FRMD5: variants seen among roughly 807,000 people sequenced by gnomAD.
The protein encoded by FRMD5 is FERM domain containing 5.
A neutral mutation model predicts 69.0 loss-of-function variants in FRMD5; 20 were observed. The ratio of observed to expected loss-of-function variants is 0.29; its 90% CI spans 0.20 to 0.42. The LOEUF is 0.42. Among genes scored for constraint, FRMD5 ranks in the 10% least tolerant of loss-of-function variants. The pLI is 1.00. For synonymous variants in FRMD5, 271 were observed against 260.1 expected (o/e 1.04, Z -0.40); for missense variants, 595 against 708.6 (o/e 0.84, Z 1.82).
At chr15:44,001,470 G>C (rs1461877421) in intron 1 of FRMD5, among the ~76,000 whole-genome samples, 4 of 152,084 alleles carry the variant, frequency 2.6e-5, no homozygotes, top group Non-Finnish European at 4.4e-5. Context: ...ATTAAAAAAA[G>C]TATTGCCAAG....
At chr15:43,949,620 T>C (rs1235088765) in intron 1 of FRMD5, among the ~76,000 whole-genome samples, 4 of 152,240 alleles carry the variant, frequency 2.6e-5, no homozygotes, top group African/African-American at 9.6e-5. Flanking sequence ...TCATTCCTTG[T>C]ACGACACTAG....
chr15:43,926,430 A>T (rs941770197), intron 1 of FRMD5, among the ~76,000 whole-genome samples: 1 of 152,198 alleles, frequency 6.6e-6, no homozygotes, highest in Admixed American at 6.5e-5. Context: ...GTAAGATAAG[A>T]TCCAAAGATC....
chr15:43,874,026 C>T lies in FRMD5; in HGVS notation c.1572G>A (p.Glu524=). The T allele has an allele frequency of 6.2e-7, 1 of 1,614,188 alleles. No homozygotes were observed. Among genetic ancestry groups the T allele is most frequent in the East Asian group, 2.2e-5 (1 of 44,884 alleles). ...GGAAAAAGGCAATGTCAAGGTCAGACTCGGTAAGGATGATCAGGAGGAGGA... is the reference window on the plus strand; with the variant it reads ...GGAAAAAGGCAATGTCAAGGTCAGATTCGGTAAGGATGATCAGGAGGAGGA... ...VLLLLLIILT[E]SDLDIAFFRD... The change falls in exon 14 of 14, where the codon GAG becomes GAA. Residue 524 remains glutamate, a synonymous_variant. Coordinates refer to ENST00000417257, the MANE Select transcript of FRMD5 (RefSeq NM_032892.5).
chr15:44,092,818 T>TA (rs1424186442), intron 1 of FRMD5, among the ~76,000 whole-genome samples: 2 of 152,140 alleles, frequency 1.3e-5, no homozygotes, highest in African/African-American at 4.8e-5. Flanking sequence ...ATGTCCTTCA[T>TA]AAAGTCTTTC....
intron 1 of FRMD5, among the ~76,000 whole-genome samples, chr15:43,926,345 T>C (rs2140454842): frequency 6.6e-6 from 1 of 152,264 alleles, no homozygotes; most frequent in African/African-American, 2.4e-5. Flanking sequence ...ATGTCTAATT[T>C]TGCATACAAA....
chr15:43,885,702 T>C lies in FRMD5; in HGVS notation c.938A>G (p.Lys313Arg), dbSNP rs758670067. The C allele has an allele frequency of 6.2e-7, 1 of 1,614,126 alleles. No individual in the cohort carries two copies. Among genetic ancestry groups the C allele is most frequent in the Non-Finnish European group, 8.5e-7 (1 of 1,179,986 alleles). Residue 313 changes from lysine to arginine, a missense_variant, in exon 11 of 14, where the codon AAA becomes AGA. Lys to Arg is a conservative substitution (Grantham distance 26). This residue lies in a region of FRMD5 where 176 missense variants were observed against 266.3 expected (regional missense o/e 0.66). Coordinates refer to ENST00000417257, the MANE Select transcript of FRMD5 (RefSeq NM_032892.5). ...TTACCTGTATCGGAACCGGCTCCCT[T>C]TAAAGAATAAATTGCTGCTGGACAC... Reference protein sequence around the residue: ...RTVSSSNLFFKGSRFRYSGRV... With the variant: ...RTVSSSNLFFRGSRFRYSGRV...
intron 1 of FRMD5, among the ~76,000 whole-genome samples, chr15:44,047,363 T>G (rs1892474123): frequency 6.6e-6 from 1 of 151,982 alleles, no homozygotes; most frequent in Non-Finnish European, 1.5e-5. Context: ...AAGAAAAAAC[T>G]GTTTAAACTT....
At chr15:43,937,553 G>A (rs1241058981) in intron 1 of FRMD5, among the ~76,000 whole-genome samples, 8 of 151,300 alleles carry the variant, frequency 5.3e-5, no homozygotes, top group Admixed American at 3.3e-4. Flanking sequence ...CAGGAGAATC[G>A]CTTGAACTTG....
At chr15:43,917,713 T>G (rs1001730430) in intron 4 of FRMD5, 5 of 152,242 alleles carry the variant, frequency 3.3e-5, no homozygotes, top group African/African-American at 1.2e-4. Context: ...GGTTCTACCC[T>G]TACTCACCTA....
chr15:44,051,890 T>C (rs1892683200), intron 1 of FRMD5, among the ~76,000 whole-genome samples: 1 of 152,182 alleles, frequency 6.6e-6, no homozygotes, highest in Non-Finnish European at 1.5e-5. Context: ...ATATCAAGGG[T>C]AATACTATGA....
intron 1 of FRMD5, among the ~76,000 whole-genome samples, chr15:44,161,541 T>C (rs904543190): frequency 6.6e-6 from 1 of 152,226 alleles, no homozygotes; most frequent in African/African-American, 2.4e-5. Flanking sequence ...TAAGGTTATG[T>C]ATAATTTTCC....
At chr15:43,939,191 T>A (rs2089819082) in intron 1 of FRMD5, among the ~76,000 whole-genome samples, 1 of 152,080 alleles carries the variant, frequency 6.6e-6, no homozygotes, top group Admixed American at 6.6e-5. Context: ...TATTTTTTGA[T>A]CAGAACATTT....
chr15:44,191,345 T>C (rs993298830), intron 1 of FRMD5, among the ~76,000 whole-genome samples: 5 of 152,066 alleles, frequency 3.3e-5, no homozygotes, highest in African/African-American at 1.2e-4. Flanking sequence ...TCCCAGCACT[T>C]TGGGAGGCGA....
chr15:44,182,562 G>A (rs1045018567), intron 1 of FRMD5, among the ~76,000 whole-genome samples: 2 of 151,826 alleles, frequency 1.3e-5, no homozygotes, highest in South Asian at 2.1e-4. Flanking sequence ...ATCTGACCTC[G>A]TGATCCACCC....
chr15:44,011,349 T>G (rs1393215829), intron 1 of FRMD5, among the ~76,000 whole-genome samples: 1 of 152,098 alleles, frequency 6.6e-6, no homozygotes, highest in Non-Finnish European at 1.5e-5. Context: ...CAACAGATGT[T>G]TAGGATATAA....
chr15:44,103,358 T>C (rs1317634578), intron 1 of FRMD5, among the ~76,000 whole-genome samples: 1 of 152,194 alleles, frequency 6.6e-6, no homozygotes, highest in Non-Finnish European at 1.5e-5. Context: ...AAAAAATCAT[T>C]CTATTCAAAT....
intron 1 of FRMD5, among the ~76,000 whole-genome samples, chr15:44,000,992 A>G (rs551681111): frequency 6.6e-6 from 1 of 152,064 alleles, no homozygotes; most frequent in South Asian, 2.1e-4. Context: ...AAATGGCTAT[A>G]CTAATTTACA....
chr15:44,081,941 A>T (rs140676766), intron 1 of FRMD5, among the ~76,000 whole-genome samples: 31 of 152,072 alleles, frequency 2.0e-4, no homozygotes, highest in African/African-American at 7.2e-4. Flanking sequence ...CGTCAACACC[A>T]ATATCCTAAG....
chr15:43,876,294 A>C (rs2088354822), intron 13 of FRMD5: 2 of 1,228,496 alleles, frequency 1.6e-6, no homozygotes, highest in African/African-American at 1.5e-5. Flanking sequence ...TTTTTACCCC[A>C]GTTTGAAAGA....
Sources: gnomAD v4.1 joint callset for allele counts (sites outside exome capture counted in the v4.1 genomes callset) on GRCh38, gnomAD v4.1.1 for gene constraint, gnomAD v4.1.1 regional missense constraint, MANE v1.5 for transcripts, NCBI Gene and HGNC (gene_info 2026-07-23, HGNC 2026-07-21) for gene names.